Variants in FAM168B observed in about 807,000 individuals in gnomAD.
FAM168B encodes myelin-associated neurite-outgrowth inhibitor.
Under a neutral mutation model 21.8 loss-of-function variants are expected in FAM168B, and 19 were observed. The ratio of observed to expected loss-of-function variants is 0.87; its 90% CI spans 0.61 to 1.28. FAM168B has a LOEUF of 1.28. FAM168B is among the 50% of genes most tolerant of loss of function. The pLI is 0.00. For missense variants in FAM168B, 233 were observed against 263.1 expected, an observed-to-expected ratio of 0.89 and a Z score of 0.79; for synonymous variants, 126 against 104.8, an observed-to-expected ratio of 1.20 and a Z score of -1.24.
Position 131,048,297 on chromosome 2 carries a change from C to CCCAGCT in FAM168B, c.*4162_*4167dup. On this transcript the variant is annotated 3_prime_UTR_variant, in exon 7 of 7. Transcript: ENST00000389915. ...CACAAACGGCTGGCCTGAGATCTGGCCCAGCTGCCTTGCCCACTGGTCTGC... is the reference window on the plus strand; with the variant it reads ...CACAAACGGCTGGCCTGAGATCTGGCCCAGCTCCAGCTGCCTTGCCCACTGGTCTGC... 7.7e-7 allele frequency: 1 copy of CCCAGCT among 1,304,262 alleles called. No homozygotes were observed. Among genetic ancestry groups the CCCAGCT allele is most frequent in the African/African-American group, 1.5e-5 (1 of 65,984 alleles). 80.8% of individuals were successfully genotyped at this position (1,304,262 alleles called of 1,614,324 possible).
chr2:131,068,451 G>A (rs374177937), intron 3 of FAM168B, among the ~76,000 whole-genome samples: 63 of 152,216 alleles, frequency 4.1e-4, no homozygotes, highest in African/African-American at 1.3e-3. Context: ...GAAAACCACC[G>A]TGCCCGGCTG....
chr2:131,051,366 A>G lies in FAM168B; in HGVS notation c.*1099T>C. On this transcript the variant is annotated 3_prime_UTR_variant, in exon 7 of 7. Coordinates refer to ENST00000389915, the MANE Select transcript of FAM168B (RefSeq NM_001009993.4). ...TTTAAATAAAGTTTTGTTCCCTTTT[A>G]ACTCATTCTTAAATATACCACTTTC... The G allele has an allele frequency of 1.0e-6, 1 of 985,318 alleles. No individual in the cohort carries two copies. The highest frequency in any genetic ancestry group is 1.2e-6 in the Non-Finnish European group (1 of 829,916). 61.0% of individuals were successfully genotyped at this position (985,318 alleles called of 1,614,324 possible).
At chr2:131,057,834 T>C (rs1233993546) in intron 3 of FAM168B, among the ~76,000 whole-genome samples, 1 of 152,186 alleles carries the variant, frequency 6.6e-6, no homozygotes, top group East Asian at 1.9e-4. Context: ...TATTTTTTTT[T>C]TATTTTTATT....
chr2:131,064,404 G>A (rs966374567), intron 3 of FAM168B, among the ~76,000 whole-genome samples: 33 of 152,038 alleles, frequency 2.2e-4, no homozygotes, highest in African/African-American at 7.5e-4. Flanking sequence ...AACACTGGAG[G>A]CAAAAATCCT....
chr2:131,076,893 A>C (rs1390990059), intron 2 of FAM168B, among the ~76,000 whole-genome samples: 1 of 151,904 alleles, frequency 6.6e-6, no homozygotes, highest in Non-Finnish European at 1.5e-5. Flanking sequence ...AACTACGCTG[A>C]CTAACTTCCG....
At chr2:131,053,314 CAAGG>C (rs1007928665) in intron 5 of FAM168B, among the ~76,000 whole-genome samples, 3 of 152,098 alleles carry the variant, frequency 2.0e-5, no homozygotes, top group Non-Finnish European at 4.4e-5. Flanking sequence ...TCAGCCTTAA[CAAGG>C]AAGGAGATTC....
intron 5 of FAM168B, among the ~76,000 whole-genome samples, chr2:131,054,999 G>C (rs75875641): frequency 6.6e-6 from 1 of 152,116 alleles, no homozygotes; most frequent in Admixed American, 6.6e-5. Context: ...ATGGTCATAG[G>C]GGGTGGGAGG....
At chr2:131,057,243 A>G (rs1692072983) in intron 3 of FAM168B, among the ~76,000 whole-genome samples, 1 of 152,238 alleles carries the variant, frequency 6.6e-6, no homozygotes, top group African/African-American at 2.4e-5. Flanking sequence ...AAAGTGTTCA[A>G]TCTTATTCCT....
At position 131,065,788 on chromosome 2, in the gene FAM168B, C is replaced by CA. The variant is rs1377282460; in HGVS notation, c.154+6066dup. 6.3e-3 allele frequency among the ~76,000 whole-genome samples: 362 copies of CA among 57,316 alleles called. 8 individuals carry two copies. Among genetic ancestry groups the CA allele is most frequent in the Admixed American group, 0.05 (249 of 4,994 alleles). 37.6% of individuals were successfully genotyped at this position (57,316 alleles called of 152,430 possible). Reference sequence around the variant, plus strand: ...TGGGCAACAGAGCGAGACTCCAGCTCAAAAAAAAAAGAAAAAAAGAAAAAA... The same window carrying CA: ...TGGGCAACAGAGCGAGACTCCAGCTCAAAAAAAAAAAGAAAAAAAGAAAAAA... On this transcript the variant is annotated intron_variant, in intron 3 of 6. Coordinates refer to ENST00000389915, the MANE Select transcript of FAM168B (RefSeq NM_001009993.4).
chr2:131,088,216 A>C (rs954644008), intron 1 of FAM168B, among the ~76,000 whole-genome samples: 1 of 151,710 alleles, frequency 6.6e-6, no homozygotes, highest in African/African-American at 2.4e-5. Flanking sequence ...ACTGCACTCC[A>C]GATGGGGCAA....
intron 1 of FAM168B, among the ~76,000 whole-genome samples, chr2:131,092,106 T>C (rs909853519): frequency 2.7e-5 from 4 of 149,804 alleles, no homozygotes; most frequent in South Asian, 2.1e-4. Context: ...ATGGCGCCAC[T>C]GCACTCCAGT....
intron 2 of FAM168B, among the ~76,000 whole-genome samples, chr2:131,077,893 C>T (rs1337796144): frequency 6.6e-6 from 1 of 152,134 alleles, no homozygotes; most frequent in Non-Finnish European, 1.5e-5. Context: ...GATCAGGGTA[C>T]GGATCCACAA....
chr2:131,092,894 T>A (rs574799151), intron 1 of FAM168B, among the ~76,000 whole-genome samples: 4 of 152,202 alleles, frequency 2.6e-5, no homozygotes, highest in African/African-American at 9.6e-5. Context: ...CACAAAGCTC[T>A]GCCCCCGGGT....
intron 2 of FAM168B, among the ~76,000 whole-genome samples, chr2:131,074,593 G>A (rs1443152059): frequency 1.3e-5 from 2 of 152,198 alleles, no homozygotes; most frequent in Non-Finnish European, 2.9e-5. Context: ...AAGAAACTGT[G>A]TTGAGGAGGC....
At chr2:131,077,869 G>A (rs1003958329) in intron 2 of FAM168B, among the ~76,000 whole-genome samples, 7 of 152,174 alleles carry the variant, frequency 4.6e-5, no homozygotes, top group Admixed American at 6.5e-5. Flanking sequence ...TACTCCCCTG[G>A]TGTAAGAGAC....
intron 2 of FAM168B, among the ~76,000 whole-genome samples, chr2:131,076,203 T>C (rs1693145088): frequency 6.6e-6 from 1 of 152,148 alleles, no homozygotes; most frequent in African/African-American, 2.4e-5. Flanking sequence ...AGAATCACTG[T>C]TTCTTCCTAT....
rs560392423 is a variant in FAM168B at position 131,048,525 on chromosome 2, T to C, written c.*3940A>G. 3 of 1,118,974 alleles carry C rather than the reference T, an allele frequency of 2.7e-6. No individual in the cohort carries two copies. Among genetic ancestry groups the C allele is most frequent in the Non-Finnish European group, 2.2e-6 (2 of 897,002 alleles). 69.3% of individuals were successfully genotyped at this position (1,118,974 alleles called of 1,614,324 possible). A position where few individuals can be genotyped will look rare whatever the true frequency, so the allele number is the denominator to read the frequency against. On this transcript the variant is annotated 3_prime_UTR_variant, in exon 7 of 7. Coordinates refer to ENST00000389915, the MANE Select transcript of FAM168B (RefSeq NM_001009993.4). ...CACAGGCTCTCTCTTCTTCAAATAATGAGTAGGAAAAAGAGACAAACTTTC... is the reference window on the plus strand; with the variant it reads ...CACAGGCTCTCTCTTCTTCAAATAACGAGTAGGAAAAAGAGACAAACTTTC...
At chr2:131,066,234 C>G (rs1159231859) in intron 3 of FAM168B, among the ~76,000 whole-genome samples, 1 of 149,960 alleles carries the variant, frequency 6.7e-6, no homozygotes, top group African/African-American at 2.5e-5. Flanking sequence ...GGTGCGATCT[C>G]GATCTCGACT....
In FAM168B at chr2:131,050,165, G is replaced by A. The variant is rs1417318493; in HGVS notation, c.*2300C>T. 1 of 985,460 alleles carries A rather than the reference G, an allele frequency of 1.0e-6. No homozygotes were observed. The highest frequency in any genetic ancestry group is 1.2e-6 in the Non-Finnish European group (1 of 829,946). The allele number at this position is 985,460 out of a possible 1,614,324, so 61.0% of individuals were successfully genotyped here. A position where few individuals can be genotyped will look rare whatever the true frequency, so the allele number is the denominator to read the frequency against. On this transcript the variant is annotated 3_prime_UTR_variant, in exon 7 of 7. Coordinates refer to ENST00000389915, the MANE Select transcript of FAM168B (RefSeq NM_001009993.4). ...AGCCCACTCTTTAAAACACCATCCT[G>A]TGTGTGCCAAGTACCAAGCAAGCCT... is the stretch of plus-strand genomic sequence containing the variant.
Sources: gnomAD v4.1 joint callset for allele counts (sites outside exome capture counted in the v4.1 genomes callset) on GRCh38, gnomAD v4.1.1 for gene constraint, MANE v1.5 for transcripts, NCBI Gene and HGNC (gene_info 2026-07-23, HGNC 2026-07-21) for gene names.